Variants in FAT4 observed in about 807,000 individuals in gnomAD.
FAT4 encodes protocadherin Fat 4.
FAT4 carries 84 observed loss-of-function variants against 303.9 expected under a neutral mutation model. That is an observed-to-expected ratio of 0.28 (90% CI 0.23 to 0.33). The LOEUF (loss-of-function observed/expected upper bound fraction) is 0.33. Ranked by LOEUF, FAT4 falls within the 10% of genes least tolerant of loss-of-function variation. The pLI is 1.00. For synonymous variants in FAT4, 2,307 were observed against 2,298.8 expected, an observed-to-expected ratio of 1.00 and a Z score of -0.10; for missense variants, 6,005 against 6,146.8, an observed-to-expected ratio of 0.98 and a Z score of 0.77.
intron 2 of FAT4, among the ~76,000 whole-genome samples, chr4:125,392,212 T>C (rs1734000216): frequency 6.6e-6 from 1 of 152,198 alleles, no homozygotes; most frequent in Non-Finnish European, 1.5e-5. Flanking sequence ...TTAATATCTT[T>C]AGAGATAACA....
intron 2 of FAT4, among the ~76,000 whole-genome samples, chr4:125,390,038 C>G (rs1044190060): frequency 1.3e-5 from 2 of 151,888 alleles, no homozygotes; most frequent in African/African-American, 2.4e-5. Flanking sequence ...CCAGTGGTCA[C>G]CCAAAATAGG....
intron 2 of FAT4, among the ~76,000 whole-genome samples, chr4:125,331,959 A>G (rs1731403212): frequency 6.6e-6 from 1 of 152,084 alleles, no homozygotes; most frequent in Non-Finnish European, 1.5e-5. Context: ...TGTCACAGCT[A>G]CTCTCAGAAT....
At chr4:125,343,795 G>GA in intron 2 of FAT4, among the ~76,000 whole-genome samples, 1 of 152,084 alleles carries the variant, frequency 6.6e-6, no homozygotes, top group South Asian at 2.1e-4. Flanking sequence ...AGGGCTTTCT[G>GA]AAAAAAAGTT....
At chr4:125,370,873 G>A (rs1733078669) in intron 2 of FAT4, among the ~76,000 whole-genome samples, 1 of 151,992 alleles carries the variant, frequency 6.6e-6, no homozygotes, top group Non-Finnish European at 1.5e-5. Context: ...AGGCCAGCCT[G>A]GGTGGCTCAC....
rs770339358 is a variant in FAT4, at chr4:125,489,884, CCTT to C, written c.13085-8_13085-6del. The C allele has an allele frequency of 1.9e-5, 16 of 829,878 alleles. No homozygotes were observed. The highest frequency in any genetic ancestry group is 1.2e-4 in the Admixed American group (4 of 33,626). 51.4% of individuals were successfully genotyped at this position (829,878 alleles called of 1,614,324 possible). On this transcript the variant is annotated splice_polypyrimidine_tract_variant and intron_variant, in intron 17 of 17. Transcript: ENST00000394329. ...TTTTTTTTTTGTAAAAAGCCTTACTCCTTCTTCTTCTCCCAGCAGGTTTTGATG... is the reference window on the plus strand; with the variant it reads ...TTTTTTTTTTGTAAAAAGCCTTACTCCTTCTTCTCCCAGCAGGTTTTGATG...
chr4:125,425,826 T>A (rs569097496), intron 7 of FAT4, among the ~76,000 whole-genome samples: 1 of 152,188 alleles, frequency 6.6e-6, no homozygotes, highest in Admixed American at 6.5e-5. Flanking sequence ...GTCTCTAGAT[T>A]TGGCACAAAA....
rs368607709 is a variant in FAT4, at chr4:125,320,411, G to A, written c.4000G>A (p.Val1334Met). Residue 1334 changes from valine to methionine, a missense_variant, in exon 2 of 18, where the codon GTG becomes ATG. By Grantham distance (21) the Val-to-Met change is conservative (BLOSUM62 1). Transcript: ENST00000394329. Reference protein sequence around the residue: ...VLENMRIGELVSSVTATDSDS... With the variant: ...VLENMRIGELMSSVTATDSDS... Reference sequence around the variant, plus strand: ...GGAAAACATGAGAATTGGTGAACTCGTGTCCTCTGTTACTGCAACTGATTC... The same window carrying A: ...GGAAAACATGAGAATTGGTGAACTCATGTCCTCTGTTACTGCAACTGATTC... The A allele has an allele frequency of 6.6e-5, 106 of 1,613,808 alleles. No homozygotes were observed. Among genetic ancestry groups the A allele is most frequent in the African/African-American group, 2.1e-4 (16 of 75,020 alleles).
chr4:125,481,285 G>T (rs1413181724), intron 15 of FAT4, among the ~76,000 whole-genome samples: 1 of 152,080 alleles, frequency 6.6e-6, no homozygotes, highest in East Asian at 1.9e-4. Context: ...TTCCCAAATG[G>T]TTAATGACTG....
intron 8 of FAT4, among the ~76,000 whole-genome samples, chr4:125,442,329 TCTTTCTGTCATAAAGGACA>T (rs1412910338): frequency 6.6e-6 from 1 of 152,186 alleles, no homozygotes; most frequent in Non-Finnish European, 1.5e-5. Context: ...TTTTTTTATA[TCTTTCTGTCATAAAGGACA>T]TAAACTTGAA....
chr4:125,378,129 T>G (rs183501671), intron 2 of FAT4, among the ~76,000 whole-genome samples: 50 of 152,240 alleles, frequency 3.3e-4, no homozygotes, highest in Non-Finnish European at 5.9e-4. Context: ...ACAGATGTCT[T>G]ATTGATTCTA....
In FAT4 at chr4:125,337,041, A is replaced by G. The variant is rs557532581; in HGVS notation, c.5175+15455A>G. ...GTATATTGTTTTGTGGTAGAGCGCC[A>G]TTTGAGTTCATTTGGTTCCAAGGCT... On this transcript the variant is annotated intron_variant, in intron 2 of 17. Coordinates refer to ENST00000394329, the MANE Select transcript of FAT4 (RefSeq NM_001291303.3). Among the ~76,000 whole-genome samples, 5 of 152,100 alleles carry G rather than the reference A, an allele frequency of 3.3e-5. No homozygotes were observed. In the South Asian group the frequency reaches 1.0e-3, roughly 31 times the overall value.
intron 3 of FAT4, 60 bp downstream of exon 3, chr4:125,398,975 C>T: frequency 6.4e-7 from 1 of 1,553,576 alleles, no homozygotes; most frequent in Non-Finnish European, 8.9e-7. Context: ...TATCAAATTT[C>T]TAGGATATGT....
intron 2 of FAT4, among the ~76,000 whole-genome samples, chr4:125,339,258 G>A (rs1212800024): frequency 6.6e-6 from 1 of 151,244 alleles, no homozygotes; most frequent in African/African-American, 2.4e-5. Context: ...CTGCCTCCCG[G>A]GTTCAAGCGA....
intron 2 of FAT4, among the ~76,000 whole-genome samples, chr4:125,353,613 G>T (rs189310796): frequency 6.6e-6 from 1 of 151,408 alleles, no homozygotes; most frequent in African/African-American, 2.4e-5. Context: ...CAGAGCTCAC[G>T]GTTACATTGA....
chr4:125,384,522 G>A (rs1733662761), intron 2 of FAT4, among the ~76,000 whole-genome samples: 1 of 151,622 alleles, frequency 6.6e-6, no homozygotes, highest in Non-Finnish European at 1.5e-5. Flanking sequence ...TTTTATTATT[G>A]AATTGTATTA....
chr4:125,411,442 T>C (rs147258475), intron 5 of FAT4, among the ~76,000 whole-genome samples: 106 of 152,006 alleles, frequency 7.0e-4, no homozygotes, highest in African/African-American at 2.5e-3. Flanking sequence ...AATGTTTTGC[T>C]AATAATACAA....
Position 125,317,800 on chromosome 4 carries a change from T to A in FAT4, c.1389T>A (p.Ile463=), listed in dbSNP as rs752058401. The change falls in exon 2 of 18, where the codon ATT becomes ATA. Residue 463 remains isoleucine, a synonymous_variant. Transcript: ENST00000394329. This position sits in a 1 kb window ranked among gnomAD's most constrained non-coding sequence, Gnocchi z 7.0. ...QARSSVASLV[I]FVNDINDHPP... ...GCTCTTCTGTGGCAAGCCTGGTGAT[T>A]TTTGTTAATGACATCAATGACCATC... is the stretch of plus-strand genomic sequence containing the variant. 6.8e-6 allele frequency: 11 copies of A among 1,614,098 alleles called. No individual in the cohort carries two copies. Among genetic ancestry groups the A allele is most frequent in the Admixed American group, 5.0e-5 (3 of 60,014 alleles).
chr4:125,421,767 C>T (rs1477362545), intron 7 of FAT4, among the ~76,000 whole-genome samples: 1 of 151,954 alleles, frequency 6.6e-6, no homozygotes, highest in Non-Finnish European at 1.5e-5. Flanking sequence ...CTTTATTTTC[C>T]AGATAAGAAA....
Position 125,321,279 on chromosome 4 carries a change from G to A in FAT4, c.4868G>A (p.Gly1623Asp). Residue 1623 changes from glycine (G) to aspartate (D), a missense_variant, in exon 2 of 18, where the codon GGC (glycine) becomes GAC (aspartate). Physicochemically the swap from Gly to Asp is moderately conservative, Grantham distance 94. Transcript: ENST00000394329. ...ACTGAATTGACCATCATTCTTCAGG[G>A]CCTTGATGGACCTGTTTTTACTCAA... is the stretch of plus-strand genomic sequence containing the variant. ...STTELTIILQ[G>D]LDGPVFTQPK... 1.2e-6 allele frequency: 2 copies of A among 1,613,834 alleles called. No homozygotes were observed. Among genetic ancestry groups the A allele is most frequent in the Non-Finnish European group, 8.5e-7 (1 of 1,179,752 alleles).
Sources: allele counts gnomAD v4.1 joint callset (sites outside exome capture counted in the v4.1 genomes callset), GRCh38; gene constraint gnomAD v4.1.1; non-coding constraint Gnocchi (gnomAD v3.1); transcripts MANE v1.5; gene names NCBI Gene and HGNC (gene_info 2026-07-23, HGNC 2026-07-21).